ARHGAP10: variants seen among roughly 807,000 people sequenced by gnomAD.
ARHGAP10 encodes Rho GTPase activating protein 10.
Under a neutral mutation model 108.6 loss-of-function variants are expected in ARHGAP10, and 87 were observed. The observed-to-expected ratio is 0.80, with a 90% CI of 0.67 to 0.96. The LOEUF (loss-of-function observed/expected upper bound fraction) is 0.96, where lower values mean the gene tolerates loss of function less well. Ranked by LOEUF, ARHGAP10 falls within the 40% of genes least tolerant of loss-of-function variation. ARHGAP10 has a pLI of 0.00. For missense variants in ARHGAP10, 939 were observed against 954.5 expected (o/e 0.98, Z 0.21); for synonymous variants, 347 against 341.1 (o/e 1.02, Z -0.19).
intron 10 of ARHGAP10, among the ~76,000 whole-genome samples, chr4:147,897,522 T>A (rs1736042136): frequency 6.6e-6 from 1 of 152,164 alleles, no homozygotes; most frequent in Admixed American, 6.5e-5. Flanking sequence ...TGATTTTTAG[T>A]TATGCCTTTT....
chr4:147,766,823 TATATA>T (rs1560746967), intron 1 of ARHGAP10, among the ~76,000 whole-genome samples: 15 of 13,730 alleles, frequency 1.1e-3, no homozygotes, highest in African/African-American at 1.2e-3. Context: ...TATATATATA[TATATA>T]TATATATATA....
chr4:147,823,483 C>T (rs1003992490), intron 3 of ARHGAP10, among the ~76,000 whole-genome samples: 2 of 152,088 alleles, frequency 1.3e-5, no homozygotes, highest in Non-Finnish European at 2.9e-5. Context: ...CTTGGCCAGG[C>T]ATGGTGGGTC....
At chr4:148,034,063 T>C (rs557129622) in intron 19 of ARHGAP10, among the ~76,000 whole-genome samples, 1 of 152,306 alleles carries the variant, frequency 6.6e-6, no homozygotes, top group East Asian at 1.9e-4. Flanking sequence ...CTCACAAATT[T>C]GGACAATAAA....
In ARHGAP10 at chr4:148,063,207, C is replaced by A; in HGVS notation, c.2087C>A (p.Thr696Lys). ...QWLNPQSPTTTSSNSAVTPLS... is the reference protein window; with the variant it reads ...QWLNPQSPTTKSSNSAVTPLS... ...CTTAACCCACAGTCTCCAACCACAA[C>A]AAGCTCCAACTCAGCTGTGACACCT... is the stretch of plus-strand genomic sequence containing the variant. The change falls in exon 21 of 23, where the codon ACA (threonine) becomes AAA (lysine). Residue 696 changes from threonine to lysine, a missense_variant. Thr to Lys is a moderately conservative substitution (Grantham distance 78). Coordinates refer to ENST00000336498, the MANE Select transcript of ARHGAP10 (RefSeq NM_024605.4). The A allele has an allele frequency of 2.5e-6, 4 of 1,614,228 alleles. No individual in the cohort carries two copies. Among genetic ancestry groups the A allele is most frequent in the Non-Finnish European group, 3.4e-6 (4 of 1,180,038 alleles).
chr4:148,005,926 A>C (rs1275910178), intron 18 of ARHGAP10, among the ~76,000 whole-genome samples: 2 of 152,226 alleles, frequency 1.3e-5, no homozygotes, highest in Admixed American at 1.3e-4. Context: ...ATATTAGGTG[A>C]AACAAATACA....
At chr4:147,857,732 G>A in intron 5 of ARHGAP10, 78 bp downstream of exon 5, 1 of 1,216,608 alleles carries the variant, frequency 8.2e-7, no homozygotes, top group Non-Finnish European at 1.1e-6. Flanking sequence ...GCTTTAATTT[G>A]GATAACTTTT....
At chr4:147,815,790 C>CAGGA (rs774485199) in intron 1 of ARHGAP10, among the ~76,000 whole-genome samples, 8 of 152,148 alleles carry the variant, frequency 5.3e-5, no homozygotes, top group Non-Finnish European at 1.2e-4. Context: ...CTCATGAGCC[C>CAGGA]AGGAGTTCAA....
chr4:148,009,872 C>T (rs765127717), intron 18 of ARHGAP10, among the ~76,000 whole-genome samples: 2 of 152,084 alleles, frequency 1.3e-5, no homozygotes, highest in Admixed American at 6.5e-5. Context: ...GTGTTGGAAG[C>T]GTAGGTGACT....
intron 1 of ARHGAP10, among the ~76,000 whole-genome samples, chr4:147,779,412 G>A (rs746648279): frequency 2.0e-5 from 3 of 152,150 alleles, no homozygotes; most frequent in Non-Finnish European, 4.4e-5. Context: ...GACAAATTTT[G>A]ATCAGGAGAA....
intron 14 of ARHGAP10, among the ~76,000 whole-genome samples, chr4:147,945,693 A>G (rs1738349628): frequency 6.6e-6 from 1 of 152,148 alleles, no homozygotes; most frequent in Admixed American, 6.5e-5. Context: ...TGCCATTCTG[A>G]TAGTCATTTG....
intron 22 of ARHGAP10, among the ~76,000 whole-genome samples, chr4:148,071,723 T>C (rs1375684991): frequency 6.6e-6 from 1 of 152,096 alleles, no homozygotes; most frequent in Non-Finnish European, 1.5e-5. Flanking sequence ...TCACTGTGCA[T>C]GTTCGTGCAC....
intron 22 of ARHGAP10, among the ~76,000 whole-genome samples, chr4:148,064,911 C>T (rs1389861907): frequency 1.3e-5 from 2 of 152,332 alleles, no homozygotes; most frequent in East Asian, 3.9e-4. Context: ...ACAGAGGATA[C>T]TACTGTCCTT....
chr4:147,947,108 CA>C (rs1738416351), intron 15 of ARHGAP10, among the ~76,000 whole-genome samples: 1 of 151,814 alleles, frequency 6.6e-6, no homozygotes, highest in Non-Finnish European at 1.5e-5. Context: ...CATGTCAATG[CA>C]AAGCTCTTTG....
At position 148,024,686 on chromosome 4, in the gene ARHGAP10, T is replaced by G. The variant is rs555057790; in HGVS notation, c.1867+1273T>G. Among the ~76,000 whole-genome samples, 9 of 152,360 alleles carry G rather than the reference T, an allele frequency of 5.9e-5. No homozygotes were observed. The South Asian group carries it at 1.9e-3, about 32-fold the overall frequency. Reference sequence around the variant, plus strand: ...ACAATTAAGCTATAATTTCAGAACTTCCTTTTAGACACTCATTTCAACTTC... The same window carrying G: ...ACAATTAAGCTATAATTTCAGAACTGCCTTTTAGACACTCATTTCAACTTC... On this transcript the variant is annotated intron_variant, in intron 19 of 22. Coordinates refer to ENST00000336498, the MANE Select transcript of ARHGAP10 (RefSeq NM_024605.4).
At chr4:148,019,216 C>A (rs1741465685) in intron 18 of ARHGAP10, among the ~76,000 whole-genome samples, 1 of 152,086 alleles carries the variant, frequency 6.6e-6, no homozygotes, top group African/African-American at 2.4e-5. Flanking sequence ...TTCAAGACTC[C>A]AAGAAATTAG....
Position 148,050,624 on chromosome 4 carries a change from C to T in ARHGAP10, c.2027+3573C>T, listed in dbSNP as rs1337415813. Among the ~76,000 whole-genome samples the T allele has an allele frequency of 4.6e-5, 7 of 151,648 alleles. No homozygotes were observed. In the South Asian group the frequency reaches 6.3e-4, roughly 14 times the overall value. ...TCCTGACCTCGTGATCCACCCACCT[C>T]GGCCTCCCAAAGTGCTGGGATTACA... On this transcript the variant is annotated intron_variant, in intron 20 of 22. Coordinates refer to ENST00000336498, the MANE Select transcript of ARHGAP10 (RefSeq NM_024605.4).
rs867108615 is a variant in ARHGAP10 at position 148,017,684 on chromosome 4, G to A, written c.1717-5579G>A. On this transcript the variant is annotated intron_variant, in intron 18 of 22. Coordinates refer to ENST00000336498, the MANE Select transcript of ARHGAP10 (RefSeq NM_024605.4). ...TATATATATATATATATATATATAT[G>A]TGTGTGTATGTAAAGGAATTCAGGG... Among the ~76,000 whole-genome samples, 929 of 106,054 alleles carry A rather than the reference G, an allele frequency of 8.8e-3. 10 individuals are homozygous for A. The highest frequency in any genetic ancestry group is 0.03 in the East Asian group (125 of 4,186). 69.6% of individuals were successfully genotyped at this position (106,054 alleles called of 152,430 possible).
chr4:147,741,792 G>GCACACACACGCACACACA (rs1728677141), intron 1 of ARHGAP10, among the ~76,000 whole-genome samples: 2 of 57,576 alleles, frequency 3.5e-5, no homozygotes, highest in South Asian at 4.8e-4. Flanking sequence ...ACACACACAC[G>GCACACACACGCACACACA]CACACACACA....
intron 18 of ARHGAP10, among the ~76,000 whole-genome samples, chr4:147,973,297 A>G (rs1470457937): frequency 1.3e-5 from 2 of 152,286 alleles, no homozygotes; most frequent in Middle Eastern, 3.4e-3. Flanking sequence ...CTGTTAGCTT[A>G]TGTCTGAGGT....
Sources: gnomAD v4.1 joint callset for allele counts (sites outside exome capture counted in the v4.1 genomes callset) on GRCh38, gnomAD v4.1.1 for gene constraint, MANE v1.5 for transcripts, NCBI Gene and HGNC (gene_info 2026-07-23, HGNC 2026-07-21) for gene names.